Variants in ZNF44 observed in about 807,000 individuals in gnomAD.
The protein encoded by ZNF44 is zinc finger protein 44, also known as gonadotropin inducible transcription repressor-2.
A neutral mutation model predicts 11.7 loss-of-function variants in ZNF44; 9 were observed. The ratio of observed to expected loss-of-function variants is 0.77; its 90% confidence interval spans 0.46 to 1.35. ZNF44 has a LOEUF of 1.35. Ranked by LOEUF, ZNF44 falls within the 40% of genes most tolerant of loss-of-function variation. The pLI, the probability that ZNF44 is intolerant of heterozygous loss-of-function variation, is 0.00. For missense variants in ZNF44, 696 were observed against 743.1 expected, an observed-to-expected ratio of 0.94 and a Z score of 0.74; for synonymous variants, 224 against 242.7, an observed-to-expected ratio of 0.92 and a Z score of 0.72.
At chr19:12,238,402 G>A (rs960505846), upstream of ZNF44, among the ~76,000 whole-genome samples, 2 of 151,874 alleles carry the variant, frequency 1.3e-5, no homozygotes, top group Non-Finnish European at 2.9e-5. Context: ...CAAGGCGGGC[G>A]GACCACAAGG....
intron 5 of ZNF44, among the ~76,000 whole-genome samples, chr19:12,252,619 G>GTT (rs1917052802): frequency 6.6e-6 from 1 of 151,994 alleles, no homozygotes; most frequent in African/African-American, 2.4e-5. Flanking sequence ...GGAGGAATTG[G>GTT]GAATACTCTA....
chr19:12,248,773 A>G (rs1362475980), intron 7 of ZNF44: 2 of 805,354 alleles, frequency 2.5e-6, no homozygotes, highest in Admixed American at 3.8e-5. Flanking sequence ...ACTTTCAGGG[A>G]AAGTACAGAT....
chr19:12,257,694 G>C (rs1184363871), intron 5 of ZNF44, among the ~76,000 whole-genome samples: 1 of 151,740 alleles, frequency 6.6e-6, no homozygotes, highest in Non-Finnish European at 1.5e-5. Context: ...CCAGCTACCT[G>C]GGAGGCTGAG....
At chr19:12,241,697 T>G (rs927062680), upstream of ZNF44, among the ~76,000 whole-genome samples, 3 of 151,964 alleles carry the variant, frequency 2.0e-5, no homozygotes, top group African/African-American at 7.3e-5. Context: ...TCCGTTGCAA[T>G]CAATCAACCA....
intron 1 of ZNF44, among the ~76,000 whole-genome samples, chr19:12,289,580 C>T (rs563873074): frequency 1.7e-4 from 26 of 151,414 alleles, no homozygotes; most frequent in African/African-American, 6.3e-4. Flanking sequence ...CTTTAAGACG[C>T]TTTCAGATCT....
chr19:12,247,985 A>C (rs770358637), exon 8 of ZNF44: 1 of 1,345,450 alleles, frequency 7.4e-7, no homozygotes, highest in South Asian at 1.2e-5. Context: ...GTCTTTGAGC[A>C]GAGTTGTGAT....
In ZNF44 at chr19:12,276,003, A is replaced by G; in HGVS notation, c.83T>C (p.Leu28Pro). 6.2e-7 allele frequency: 1 copy of G among 1,609,652 alleles called. No homozygotes were observed. Among genetic ancestry groups the G allele is most frequent in the Non-Finnish European group, 8.5e-7 (1 of 1,176,994 alleles). ...GGTTTCTCGCATCACATCTCTGTAG[A>G]GATTCTTCTGTGATGGACCCAGCAA... Reference protein sequence around the residue: ...WALLGPSQKNLYRDVMRETIR... With the variant: ...WALLGPSQKNPYRDVMRETIR... The change falls in exon 2 of 4, where the codon CTC becomes CCC. Residue 28 changes from leucine to proline, a missense_variant. Physicochemically the swap from Leu to Pro is moderately conservative, Grantham distance 98. Coordinates refer to ENST00000355684, the MANE Select transcript of ZNF44 (RefSeq NM_016264.4).
downstream of ZNF44, among the ~76,000 whole-genome samples, chr19:12,268,986 C>T (rs1182644018): frequency 6.6e-6 from 1 of 152,040 alleles, no homozygotes; most frequent in African/African-American, 2.4e-5. Context: ...TCAAGTGATC[C>T]TCCTGCCTTA....
At chr19:12,258,884 A>G (rs1917379953) in intron 5 of ZNF44, among the ~76,000 whole-genome samples, 2 of 151,704 alleles carry the variant, frequency 1.3e-5, no homozygotes, top group South Asian at 2.1e-4. Context: ...TCACTGTGGG[A>G]TTTTTTAAGG....
At chr19:12,286,374 G>A (rs1241641994) in intron 1 of ZNF44, among the ~76,000 whole-genome samples, 1 of 152,178 alleles carries the variant, frequency 6.6e-6, no homozygotes. Flanking sequence ...GGTGGCTCAT[G>A]CCTGTAATCC....
At chr19:12,244,986 CTT>C (rs1288861075), downstream of ZNF44, among the ~76,000 whole-genome samples, 5 of 152,192 alleles carry the variant, frequency 3.3e-5, no homozygotes, top group Non-Finnish European at 5.9e-5. Flanking sequence ...ACATGCCACT[CTT>C]TGACTATAGG....
chr19:12,268,151 C>G (rs1056351834), downstream of ZNF44, among the ~76,000 whole-genome samples: 1 of 131,810 alleles, frequency 7.6e-6, no homozygotes, highest in African/African-American at 2.9e-5. Context: ...CACAGACACA[C>G]ACACACACAC....
At position 12,273,240 on chromosome 19, in the gene ZNF44, A is replaced by C. The variant is rs772333187; in HGVS notation, c.1015T>G (p.Cys339Gly). The C allele has an allele frequency of 1.2e-6, 2 of 1,613,934 alleles. No individual in the cohort carries two copies. Among genetic ancestry groups the C allele is most frequent in the African/African-American group, 2.7e-5 (2 of 74,900 alleles). Residue 339 changes from cysteine (C) to glycine (G), a missense_variant, in exon 4 of 4, where the codon TGT (cysteine) becomes GGT (glycine). Physicochemically the swap from Cys to Gly is radical, Grantham distance 159. Coordinates refer to ENST00000355684, the MANE Select transcript of ZNF44 (RefSeq NM_016264.4). The part of the protein sequence containing the change: ...IMHSGDGPHK[C>G]KICGKGFDFP... ...TCAAAGCCTTTCCCACATATCTTAC[A>C]TTTATGAGGTCCATCTCCACTGTGC...
intron 1 of ZNF44, among the ~76,000 whole-genome samples, chr19:12,286,716 T>A (rs561180573): frequency 3.3e-5 from 5 of 150,416 alleles, no homozygotes; most frequent in Non-Finnish European, 7.4e-5. Context: ...TTTGGGAGGC[T>A]GAGGCAGGTG....
At chr19:12,225,195 C>G (rs573218052), downstream of ZNF44, 1 of 152,370 alleles carries the variant, frequency 6.6e-6, no homozygotes, top group African/African-American at 2.4e-5. Flanking sequence ...TCTCTGGTAT[C>G]GGGTTGGTAG....
intron 5 of ZNF44, chr19:12,260,473 T>C: frequency 7.5e-7 from 1 of 1,337,722 alleles, no homozygotes. Context: ...GTCAGCGCCA[T>C]CCTGTGCAGC....
chr19:12,240,850 T>C (rs1916590419), upstream of ZNF44, among the ~76,000 whole-genome samples: 3 of 152,260 alleles, frequency 2.0e-5, no homozygotes, highest in South Asian at 4.1e-4. Flanking sequence ...GAAGAAGATA[T>C]AGGAGAAATT....
At chr19:12,224,713 GA>G (rs1283884999), downstream of ZNF44, 1 of 152,136 alleles carries the variant, frequency 6.6e-6, no homozygotes, top group Non-Finnish European at 1.5e-5. Context: ...GTTTATTATA[GA>G]AAAGACCTGA....
intron 5 of ZNF44, among the ~76,000 whole-genome samples, chr19:12,253,032 C>T (rs1013310554): frequency 6.6e-6 from 1 of 151,514 alleles, no homozygotes; most frequent in Non-Finnish European, 1.5e-5. Flanking sequence ...GGACTATGGG[C>T]GTGTGCCACC....
Sources: gnomAD v4.1 joint callset for allele counts (sites outside exome capture counted in the v4.1 genomes callset) on GRCh38, gnomAD v4.1.1 for gene constraint, MANE v1.5 for transcripts, NCBI Gene and HGNC (gene_info 2026-07-23, HGNC 2026-07-21) for gene names.